FSD1L: variants seen among roughly 807,000 people sequenced by gnomAD.
The protein encoded by FSD1L is FSD1-like protein.
Under a neutral mutation model 71.6 loss-of-function variants are expected in FSD1L, and 45 were observed. The ratio of observed to expected loss-of-function variants is 0.63; its 90% CI spans 0.49 to 0.81. The LOEUF (loss-of-function observed/expected upper bound fraction) is 0.81. Ranked by LOEUF, FSD1L falls within the 30% of genes least tolerant of loss-of-function variation. FSD1L has a pLI of 0.00. For synonymous variants in FSD1L, 197 were observed against 207.2 expected (o/e 0.95, Z 0.42); for missense variants, 561 against 618.1 (o/e 0.91, Z 0.98).
intron 12 of FSD1L, among the ~76,000 whole-genome samples, chr9:105,535,773 C>G (rs779797031): frequency 1.3e-5 from 2 of 152,050 alleles, no homozygotes; most frequent in Non-Finnish European, 2.9e-5. Context: ...TAAACATACA[C>G]ACCTACTATG....
chr9:105,518,526 T>C (rs1834886948), intron 10 of FSD1L, among the ~76,000 whole-genome samples: 2 of 152,142 alleles, frequency 1.3e-5, no homozygotes, highest in Admixed American at 1.3e-4. Context: ...ACCACACAAC[T>C]ATGTGGAAAC....
chr9:105,521,283 G>A, intron 10 of FSD1L: 3 of 1,614,214 alleles, frequency 1.9e-6, no homozygotes, highest in Non-Finnish European at 2.5e-6. Flanking sequence ...TGCTAGTTTA[G>A]TATCCAGAGA....
At position 105,492,538 on chromosome 9, in the gene FSD1L, G is replaced by C. The variant is rs1020798944; in HGVS notation, c.586+8036G>C. The stretch of plus-strand genomic sequence containing the variant: ...GATTTTAGTTATTTCTTGCCTTCTG[G>C]TAGCTTTTGAATGTGTTTGCTCTTG... On this transcript the variant is annotated intron_variant, in intron 7 of 13. Transcript: ENST00000481272. Among the ~76,000 whole-genome samples, 127 of 151,928 alleles carry C rather than the reference G, an allele frequency of 8.4e-4. 1 individual carries two copies. Among genetic ancestry groups the C allele is most frequent in the African/African-American group, 2.8e-3 (116 of 41,448 alleles).
intron 7 of FSD1L, among the ~76,000 whole-genome samples, chr9:105,493,309 A>G (rs1226792031): frequency 1.3e-5 from 2 of 152,090 alleles, no homozygotes; most frequent in African/African-American, 4.8e-5. Context: ...TTTATCAGAA[A>G]CTAGGATTGC....
rs1837110135 is a variant in FSD1L, at chr9:105,548,119, C to T, written c.*1636C>T. On this transcript the variant is annotated 3_prime_UTR_variant, in exon 14 of 14. Coordinates refer to ENST00000481272, the MANE Select transcript of FSD1L (RefSeq NM_001145313.3). Reference sequence around the variant, plus strand: ...TCATATCTGCACTATTATCTGATGACATGTTGGTAATTTTAAAGACTGCAA... The same window carrying T: ...TCATATCTGCACTATTATCTGATGATATGTTGGTAATTTTAAAGACTGCAA... The T allele has an allele frequency of 6.6e-6, 1 of 151,956 alleles. No individual in the cohort carries two copies. Among genetic ancestry groups the T allele is most frequent in the Non-Finnish European group, 1.5e-5 (1 of 67,958 alleles). The allele number at this position is 151,956 out of a possible 1,614,324, so 9.4% of individuals were successfully genotyped here. A position where few individuals can be genotyped will look rare whatever the true frequency, so the allele number is the denominator to read the frequency against.
chr9:105,468,751 T>G (rs995013176), intron 4 of FSD1L, among the ~76,000 whole-genome samples: 2 of 152,260 alleles, frequency 1.3e-5, no homozygotes, highest in Admixed American at 1.3e-4. Context: ...CGTCTTGGCC[T>G]CCCAAAGTGC....
chr9:105,548,814 G>A lies in FSD1L; in HGVS notation c.*2331G>A, dbSNP rs1344176464. On this transcript the variant is annotated 3_prime_UTR_variant, in exon 14 of 14. Coordinates refer to ENST00000481272, the MANE Select transcript of FSD1L (RefSeq NM_001145313.3). ...TATTACTTCAAAATAAGAGTCTGAG[G>A]ATTTCTTCTTACTGGCGTTCTTAAA... 6.6e-6 allele frequency: 1 copy of A among 151,942 alleles called. No individual in the cohort carries two copies. Among genetic ancestry groups the A allele is most frequent in the Non-Finnish European group, 1.5e-5 (1 of 67,950 alleles). 9.4% of individuals were successfully genotyped at this position (151,942 alleles called of 1,614,324 possible). A position where few individuals can be genotyped will look rare whatever the true frequency, so the allele number is the denominator to read the frequency against.
At position 105,525,367 on chromosome 9, in the gene FSD1L, G is replaced by C. The variant is rs147286292; in HGVS notation, c.1026-9126G>C. ...AACTGGAATCTCACTTAATATTCCT[G>C]CTCCACAACCTGTGTGCATTTCTGA... On this transcript the variant is annotated intron_variant, in intron 10 of 13. Coordinates refer to ENST00000481272, the MANE Select transcript of FSD1L (RefSeq NM_001145313.3). 1,560 of 1,594,372 alleles carry C rather than the reference G, an allele frequency of 9.8e-4. 13 individuals are homozygous for C. In the African/African-American group the frequency reaches 0.019, roughly 20 times the overall value.
chr9:105,521,015 A>G (rs1416251566), intron 10 of FSD1L: 22 of 1,611,930 alleles, frequency 1.4e-5, no homozygotes, highest in Non-Finnish European at 1.8e-5. Flanking sequence ...ATATTTTTCC[A>G]AACATCTGTA....
At chr9:105,452,665 G>GCCTTCCTTCCTTCCTTCCTT (rs1314711604) in intron 1 of FSD1L, among the ~76,000 whole-genome samples, 9 of 85,884 alleles carry the variant, frequency 1.0e-4, no homozygotes, top group African/African-American at 3.3e-4. Context: ...CTGCCTGCCT[G>GCCTTCCTTCCTTCCTTCCTT]CCTGCCTTCC....
intron 1 of FSD1L, among the ~76,000 whole-genome samples, chr9:105,459,568 C>T (rs1182913883): frequency 6.6e-6 from 1 of 152,176 alleles, no homozygotes. Context: ...GTAGTCTGCC[C>T]TTGGGGAACT....
chr9:105,507,351 A>T (rs534754976), intron 8 of FSD1L, among the ~76,000 whole-genome samples: 11 of 152,232 alleles, frequency 7.2e-5, no homozygotes, highest in Non-Finnish European at 1.3e-4. Context: ...GAGTTGTCCA[A>T]TGCTTATTAC....
chr9:105,443,344 A>AGCTT (rs1459281541), upstream of FSD1L, among the ~76,000 whole-genome samples: 1 of 122,708 alleles, frequency 8.1e-6, no homozygotes, highest in African/African-American at 4.4e-5. Flanking sequence ...ATCTGCAGGG[A>AGCTT]AACTCATTTT....
At chr9:105,492,506 C>T (rs1461548735) in intron 7 of FSD1L, among the ~76,000 whole-genome samples, 1 of 152,034 alleles carries the variant, frequency 6.6e-6, no homozygotes, top group Non-Finnish European at 1.5e-5. Context: ...TCCTTCAGTT[C>T]TGCTTTGATT....
At chr9:105,511,387 A>G (rs978096643) in intron 9 of FSD1L, among the ~76,000 whole-genome samples, 4 of 152,138 alleles carry the variant, frequency 2.6e-5, no homozygotes, top group African/African-American at 9.7e-5. Context: ...AAGCTCTCAC[A>G]TGCATTACCT....
At chr9:105,454,201 T>C (rs1295821951) in intron 1 of FSD1L, among the ~76,000 whole-genome samples, 1 of 152,234 alleles carries the variant, frequency 6.6e-6, no homozygotes, top group African/African-American at 2.4e-5. Flanking sequence ...TAAAAACTTT[T>C]CTAAAATTAT....
intron 6 of FSD1L, 132 bp from the exon 7 acceptor site, chr9:105,484,249 A>G (rs1564101058): frequency 6.6e-6 from 4 of 607,664 alleles, no homozygotes; most frequent in Non-Finnish European, 9.8e-6. Flanking sequence ...TTAAATTTCT[A>G]TTTCACTTTT....
At chr9:105,459,733 C>T (rs1296489641) in intron 1 of FSD1L, among the ~76,000 whole-genome samples, 5 of 152,150 alleles carry the variant, frequency 3.3e-5, no homozygotes, top group Admixed American at 2.6e-4. Flanking sequence ...CTAATGTATT[C>T]GGTAGCTTTG....
chr9:105,458,368 C>T (rs759001661), intron 1 of FSD1L, among the ~76,000 whole-genome samples: 1 of 152,164 alleles, frequency 6.6e-6, no homozygotes, highest in Non-Finnish European at 1.5e-5. Context: ...GAAAGTGTTA[C>T]AGCCCTTTCT....
Sources: allele counts gnomAD v4.1 joint callset (sites outside exome capture counted in the v4.1 genomes callset), GRCh38; gene constraint gnomAD v4.1.1; transcripts MANE v1.5; gene names NCBI Gene and HGNC (gene_info 2026-07-23, HGNC 2026-07-21).